Variants in SOX6 observed in about 807,000 individuals in gnomAD.
The protein encoded by SOX6 is transcription factor SOX-6.
A neutral mutation model predicts 97.8 loss-of-function variants in SOX6; 11 were observed. That is an observed-to-expected ratio of 0.11 (90% CI 0.07 to 0.19). The LOEUF (loss-of-function observed/expected upper bound fraction) is 0.19, where lower values mean the gene tolerates loss of function less well. Among genes scored for constraint, SOX6 ranks in the 10% least tolerant of loss-of-function variants. SOX6 has a pLI of 1.00. For synonymous variants in SOX6, 360 were observed against 371.4 expected (o/e 0.97, Z 0.35); for missense variants, 810 against 1,039.5 (o/e 0.78, Z 3.04).
At chr11:16,073,400 T>C (rs1163084256) in intron 9 of SOX6, among the ~76,000 whole-genome samples, 2 of 152,210 alleles carry the variant, frequency 1.3e-5, no homozygotes, top group Admixed American at 1.3e-4. Context: ...AAGACCTAAC[T>C]ATCCTAAATA....
intron 10 of SOX6, among the ~76,000 whole-genome samples, chr11:16,051,378 T>G (rs755457439): frequency 6.6e-6 from 1 of 152,168 alleles, no homozygotes; most frequent in Non-Finnish European, 1.5e-5. Flanking sequence ...ACTCCAAATT[T>G]CAGGCCCCTT....
chr11:16,319,091 T>TA (rs1428081143), intron 2 of SOX6, among the ~76,000 whole-genome samples: 22 of 152,108 alleles, frequency 1.4e-4, no homozygotes, highest in African/African-American at 5.1e-4. Context: ...GAGTACATCA[T>TA]AAAAAACACT....
intron 6 of SOX6, among the ~76,000 whole-genome samples, chr11:16,141,525 CTG>C (rs1160388686): frequency 2.6e-5 from 4 of 152,104 alleles, no homozygotes; most frequent in Non-Finnish European, 5.9e-5. Context: ...GTGCAGGACA[CTG>C]GGTGCAGCTC....
At chr11:16,523,091 G>C (rs1861097678) in intron 4 of SOX6, among the ~76,000 whole-genome samples, 1 of 152,106 alleles carries the variant, frequency 6.6e-6, no homozygotes, top group African/African-American at 2.4e-5. Context: ...AAGTTAACAA[G>C]GATATCCAGG....
At chr11:16,350,327 G>A (rs1459115804) in intron 1 of SOX6, among the ~76,000 whole-genome samples, 1 of 152,156 alleles carries the variant, frequency 6.6e-6, no homozygotes, top group Non-Finnish European at 1.5e-5. Flanking sequence ...AGGAGAAAGG[G>A]GAAGTCCAGT....
chr11:16,104,499 A>G (rs1456823986), intron 7 of SOX6, among the ~76,000 whole-genome samples: 3 of 151,992 alleles, frequency 2.0e-5, no homozygotes, highest in Non-Finnish European at 4.4e-5. Context: ...TTTTTTGAGT[A>G]TCAGTTTCTT....
chr11:16,133,454 A>G (rs925883494), intron 6 of SOX6, among the ~76,000 whole-genome samples: 1 of 152,204 alleles, frequency 6.6e-6, no homozygotes, highest in African/African-American at 2.4e-5. Flanking sequence ...TATCCTATAA[A>G]GATTTTCCAT....
At chr11:16,222,017 C>T (rs947117905) in intron 4 of SOX6, among the ~76,000 whole-genome samples, 9 of 152,024 alleles carry the variant, frequency 5.9e-5, no homozygotes, top group African/African-American at 1.7e-4. Flanking sequence ...CACAATAGCA[C>T]GAAAAGGTTG....
In SOX6 at chr11:16,733,606, TTA is replaced by T. The variant is rs1848368052; in HGVS notation, n.353+2731_353+2732del. Among the ~76,000 whole-genome samples, 2 of 151,162 alleles carry T rather than the reference TTA, an allele frequency of 1.3e-5. 1 individual carries two copies. Among genetic ancestry groups the T allele is most frequent in the South Asian group, 4.2e-4 (2 of 4,788 alleles). ...GTGGGGGGCTAGGGGAGGGATAGCATTATGAGAAATACCTAATGCAGATGATG... is the reference window on the plus strand; with the variant it reads ...GTGGGGGGCTAGGGGAGGGATAGCATTGAGAAATACCTAATGCAGATGATG... On this transcript the variant is annotated intron_variant and non_coding_transcript_variant, in intron 2 of 5. Transcript: ENST00000524520.
chr11:16,052,724 TCTGAGACACAG>T (rs1249513769), intron 10 of SOX6, among the ~76,000 whole-genome samples: 2 of 152,158 alleles, frequency 1.3e-5, no homozygotes, highest in African/African-American at 4.8e-5. Context: ...AAAACTTTAT[TCTGAGACACAG>T]AACAATTTGA....
chr11:16,363,016 C>T (rs557725958), intron 1 of SOX6, among the ~76,000 whole-genome samples: 13 of 152,220 alleles, frequency 8.5e-5, no homozygotes, highest in South Asian at 8.3e-4. Context: ...TTAATTCATT[C>T]GGTAAATACA....
chr11:16,058,321 T>G (rs1847867980), intron 9 of SOX6, among the ~76,000 whole-genome samples: 1 of 151,544 alleles, frequency 6.6e-6, no homozygotes, highest in South Asian at 2.1e-4. Flanking sequence ...ATTATAGATT[T>G]GGGTTTGTTT....
At chr11:16,104,946 G>A (rs577253968) in intron 7 of SOX6, among the ~76,000 whole-genome samples, 4 of 151,936 alleles carry the variant, frequency 2.6e-5, no homozygotes, top group African/African-American at 4.8e-5. Context: ...CTTTACCAAC[G>A]GATTCTGCCA....
intron 1 of SOX6, among the ~76,000 whole-genome samples, chr11:16,437,219 T>G (rs1418362534): frequency 1.3e-5 from 2 of 151,338 alleles, no homozygotes; most frequent in Admixed American, 1.3e-4. Context: ...AAGGGAGCCA[T>G]GATTGTGCCA....
At chr11:16,320,842 A>G (rs941948389) in intron 2 of SOX6, among the ~76,000 whole-genome samples, 1 of 152,166 alleles carries the variant, frequency 6.6e-6, no homozygotes, top group Non-Finnish European at 1.5e-5. Context: ...ACCCATTGCT[A>G]GTACAATGCC....
At chr11:16,510,157 G>A (rs12295596) in intron 4 of SOX6, among the ~76,000 whole-genome samples, 33,296 of 151,768 alleles carry the variant, frequency 0.22, 4,099 homozygotes, top group East Asian at 0.51. Context: ...AAATTCAGAA[G>A]CTGTTAATTC....
At chr11:16,413,041 T>C (rs987788144) in intron 1 of SOX6, among the ~76,000 whole-genome samples, 9 of 152,192 alleles carry the variant, frequency 5.9e-5, no homozygotes, top group Non-Finnish European at 8.8e-5. Flanking sequence ...AAATGCTGCA[T>C]AGTGAAAACA....
At chr11:15,980,493 T>TA (rs1294423851) in intron 15 of SOX6, among the ~76,000 whole-genome samples, 2 of 152,002 alleles carry the variant, frequency 1.3e-5, no homozygotes, top group Admixed American at 6.6e-5. Context: ...AAAAAGAGAC[T>TA]AAAAAAACCA....
At chr11:16,551,810 G>A (rs1280159977) in intron 4 of SOX6, among the ~76,000 whole-genome samples, 2 of 151,874 alleles carry the variant, frequency 1.3e-5, no homozygotes, top group African/African-American at 2.4e-5. Context: ...TCACCATGTT[G>A]GCAAGGCTGG....
Sources: gnomAD v4.1 joint callset for allele counts (sites outside exome capture counted in the v4.1 genomes callset) on GRCh38, gnomAD v4.1.1 for gene constraint, MANE v1.5 for transcripts, NCBI Gene and HGNC (gene_info 2026-07-23, HGNC 2026-07-21) for gene names.